Variants in ARMC3 observed in about 807,000 individuals in gnomAD.
ARMC3 encodes armadillo repeat containing 3, also known as armadillo repeat-containing protein 3.
In ARMC3, 74 loss-of-function variants were observed where a neutral mutation model predicts 90.3. The observed-to-expected ratio is 0.82, with a 90% confidence interval of 0.68 to 0.99. The LOEUF is 0.99. Ranked by LOEUF, ARMC3 falls within the 50% of genes least tolerant of loss-of-function variation. ARMC3 has a pLI of 0.00. For missense variants in ARMC3, 958 were observed against 1,042.8 expected (o/e 0.92, Z 1.12); for synonymous variants, 334 against 361.8 (o/e 0.92, Z 0.87).
rs187188397 is a variant in ARMC3, at chr10:22,995,995, A to T, written c.1176-2153A>T. ...GGGAAAACCACCAAGTGACAAAGGA[A>T]TCATGCATTTTGGCCAAGCATATTT... On this transcript the variant is annotated intron_variant, in intron 10 of 18. Coordinates refer to ENST00000298032, the MANE Select transcript of ARMC3 (RefSeq NM_173081.5). Among the ~76,000 whole-genome samples the T allele has an allele frequency of 1.4e-3, 214 of 152,318 alleles. 1 individual carries two copies. Among genetic ancestry groups the T allele is most frequent in the Non-Finnish European group, 2.6e-3 (175 of 68,028 alleles).
At chr10:22,942,492 G>A (rs951488587) in intron 2 of ARMC3, among the ~76,000 whole-genome samples, 1 of 152,140 alleles carries the variant, frequency 6.6e-6, no homozygotes, top group Non-Finnish European at 1.5e-5. Flanking sequence ...GGCAGCAGCA[G>A]GCATTTCTCC....
chr10:23,001,334 C>A (rs1371548287), intron 11 of ARMC3, among the ~76,000 whole-genome samples: 2 of 152,200 alleles, frequency 1.3e-5, no homozygotes, highest in Non-Finnish European at 2.9e-5. Flanking sequence ...GGGCTTCCCA[C>A]ATTGCTTGGC....
chr10:22,993,335 T>C (rs773828697), intron 10 of ARMC3, among the ~76,000 whole-genome samples: 1 of 152,174 alleles, frequency 6.6e-6, no homozygotes, highest in Non-Finnish European at 1.5e-5. Context: ...TCCCAAGAAG[T>C]TGTCTAAAGT....
chr10:22,977,654 G>T lies in ARMC3; in HGVS notation c.917-3686G>T, dbSNP rs572596182. Among the ~76,000 whole-genome samples the T allele has an allele frequency of 2.0e-5, 3 of 152,140 alleles. No homozygotes were observed. In the South Asian group the frequency reaches 6.2e-4, roughly 32 times the overall value. On this transcript the variant is annotated intron_variant, in intron 8 of 18. Coordinates refer to ENST00000298032, the MANE Select transcript of ARMC3 (RefSeq NM_173081.5). ...CCTTCTTAAATTGTTTTCATCTTTG[G>T]CAACTCTACAAAAACTGAAAAAGTA... is the stretch of plus-strand genomic sequence containing the variant.
intron 1 of ARMC3, among the ~76,000 whole-genome samples, chr10:22,928,773 C>T (rs2131097980): frequency 6.6e-6 from 1 of 152,278 alleles, no homozygotes; most frequent in East Asian, 1.9e-4. Flanking sequence ...TTTGTAATGG[C>T]ATGTTATGCT....
At chr10:23,010,043 G>A (rs548541526) in intron 16 of ARMC3, among the ~76,000 whole-genome samples, 1 of 152,106 alleles carries the variant, frequency 6.6e-6, no homozygotes, top group South Asian at 2.1e-4. Context: ...CTTCTCTGTT[G>A]TTAGAGTCTC....
chr10:22,981,571 A>AT (rs752131009), intron 9 of ARMC3, 24 bp from the exon 10 acceptor site: 167 of 1,613,774 alleles, frequency 1.0e-4, no homozygotes, highest in Non-Finnish European at 1.3e-4. Flanking sequence ...TAAAAGTCAC[A>AT]TTTTTACCTT....
chr10:23,027,297 T>C (rs1353469079), intron 16 of ARMC3, among the ~76,000 whole-genome samples: 2 of 152,228 alleles, frequency 1.3e-5, no homozygotes, highest in Non-Finnish European at 2.9e-5. Context: ...TTGATTGCTT[T>C]CCTTAGCATT....
At chr10:22,932,070 A>C in intron 2 of ARMC3, 26 bp downstream of exon 2, 1 of 1,567,960 alleles carries the variant, frequency 6.4e-7, no homozygotes, top group Non-Finnish European at 8.7e-7. Flanking sequence ...GAATACTAGT[A>C]GCACTTTAAC....
intron 7 of ARMC3, among the ~76,000 whole-genome samples, chr10:22,967,898 G>A (rs893178009): frequency 6.6e-6 from 1 of 152,108 alleles, no homozygotes; most frequent in East Asian, 1.9e-4. Flanking sequence ...CAGGCAAGAC[G>A]GCCACACACT....
At chr10:23,032,585 CTTA>C (rs147427442) in intron 17 of ARMC3, among the ~76,000 whole-genome samples, 21,621 of 151,908 alleles carry the variant, frequency 0.14, 1,631 homozygotes, top group South Asian at 0.16. Flanking sequence ...TTGATTTTAT[CTTA>C]TTATAAGTAT....
rs144228471 is a variant in ARMC3, at chr10:22,929,315, A to AGAAAGGAAAG, written c.-2+1229_-2+1238dup. On this transcript the variant is annotated intron_variant, in intron 1 of 18. Coordinates refer to ENST00000298032, the MANE Select transcript of ARMC3 (RefSeq NM_173081.5). ...GAGAGAAAGAGAAAGAAAAAGAAAAAGAAAGGAAAGGAAAGGAAAGGAAAG... is the reference window on the plus strand; with the variant it reads ...GAGAGAAAGAGAAAGAAAAAGAAAAAGAAAGGAAAGGAAAGGAAAGGAAAGGAAAGGAAAG... 1.1e-3 allele frequency among the ~76,000 whole-genome samples: 172 copies of AGAAAGGAAAG among 150,620 alleles called. 1 individual carries two copies. Among genetic ancestry groups the AGAAAGGAAAG allele is most frequent in the Non-Finnish European group, 2.0e-3 (135 of 67,700 alleles).
In ARMC3 at chr10:23,037,409, A is replaced by T; in HGVS notation, c.2549A>T (p.Asp850Val). ...GLPAPEMYVI[D>V]LMFHPGGLMK... ...CCCGCTCCTGAGATGTACGTGATTG[A>T]CCTCATGTTCCATCCAGGTGGACTG... is the stretch of plus-strand genomic sequence containing the variant. The change falls in exon 19 of 19, where the codon GAC becomes GTC. Residue 850 changes from aspartate to valine, a missense_variant. Asp to Val is a radical substitution (Grantham distance 152, BLOSUM62 -3). Transcript: ENST00000298032. 1 of 1,614,030 alleles carries T rather than the reference A, an allele frequency of 6.2e-7. No homozygotes were observed. The highest frequency in any genetic ancestry group is 8.5e-7 in the Non-Finnish European group (1 of 1,179,942).
intron 10 of ARMC3, among the ~76,000 whole-genome samples, chr10:22,990,202 T>A (rs911913779): frequency 6.6e-6 from 1 of 152,000 alleles, no homozygotes; most frequent in Non-Finnish European, 1.5e-5. Context: ...TACTTAAACC[T>A]ATATAAGGTT....
At position 22,959,535 on chromosome 10, in the gene ARMC3, AAAG is replaced by A. The variant is rs1341061682; in HGVS notation, c.504_506del (p.Lys168del). The A allele has an allele frequency of 1.9e-6, 3 of 1,610,734 alleles. No individual in the cohort carries two copies. Among genetic ancestry groups the A allele is most frequent in the East Asian group, 4.5e-5 (2 of 44,842 alleles). ...TACTGAGTAGCCCTGACCCGGATGTAAAGAAGAACTCTATGGAATGCATTTACA... is the reference window on the plus strand; with the variant it reads ...TACTGAGTAGCCCTGACCCGGATGTAAAGAACTCTATGGAATGCATTTACA... On this transcript the variant is annotated inframe_deletion, in exon 6 of 19. Transcript: ENST00000298032.
Position 22,959,401 on chromosome 10 carries a change from G to C in ARMC3, c.364G>C (p.Glu122Gln). Residue 122 changes from glutamate (E) to glutamine (Q), a missense_variant and splice_region_variant, in exon 6 of 19, where the codon GAA becomes CAA. Glu to Gln is a conservative substitution (Grantham distance 29, BLOSUM62 2). Transcript: ENST00000298032. The stretch of plus-strand genomic sequence containing the variant: ...TGTTATTTATTTTTGATACACAGAA[G>C]AAGTAGTTATCCATGAGTTTGCTAG... ...SVIAQLAPEEEVVIHEFASLC... is the reference protein window; with the variant it reads ...SVIAQLAPEEQVVIHEFASLC... The C allele has an allele frequency of 6.2e-7, 1 of 1,600,860 alleles. No homozygotes were observed. Among genetic ancestry groups the C allele is most frequent in the Admixed American group, 1.8e-5 (1 of 56,432 alleles).
At chr10:23,014,887 T>TCC (rs1838202140) in intron 16 of ARMC3, among the ~76,000 whole-genome samples, 27 of 46,022 alleles carry the variant, frequency 5.9e-4, no homozygotes, top group Non-Finnish European at 9.8e-4. Context: ...AGATAATCTG[T>TCC]ACAAAAAAAA....
chr10:23,025,846 A>G (rs1035861079), intron 16 of ARMC3, among the ~76,000 whole-genome samples: 3 of 152,140 alleles, frequency 2.0e-5, no homozygotes, highest in African/African-American at 4.8e-5. Flanking sequence ...CTCTGCAAAG[A>G]TGACAATTAA....
intron 1 of ARMC3, among the ~76,000 whole-genome samples, chr10:22,929,578 C>T (rs1318919281): frequency 3.3e-5 from 5 of 152,206 alleles, no homozygotes; most frequent in East Asian, 3.9e-4. Context: ...GACAGAGTCT[C>T]GCTCTGTCAC....
Sources: gnomAD v4.1 joint callset for allele counts (sites outside exome capture counted in the v4.1 genomes callset) on GRCh38, gnomAD v4.1.1 for gene constraint, MANE v1.5 for transcripts, NCBI Gene and HGNC (gene_info 2026-07-23, HGNC 2026-07-21) for gene names.